DST: variants seen among roughly 807,000 people sequenced by gnomAD.
DST encodes the protein dystonin, also known as bullous pemphigoid antigen.
A neutral mutation model predicts 875.2 loss-of-function variants in DST; 253 were observed. That is an observed-to-expected ratio of 0.29 (90% CI 0.26 to 0.32). The LOEUF is 0.32. DST is among the 10% of genes least tolerant of loss of function. The pLI is 1.00. For missense variants in DST, 8,287 were observed against 9,111.6 expected (o/e 0.91, Z 3.68); for synonymous variants, 3,124 against 3,197.1 (o/e 0.98, Z 0.77).
chr6:56,529,880 G>C (rs1264932767), intron 65 of DST, 94 bp downstream of exon 65: 1 of 1,484,152 alleles, frequency 6.7e-7, no homozygotes, highest in African/African-American at 1.4e-5. Flanking sequence ...GATTTAGTTT[G>C]CAATTAAACA....
intron 4 of DST, among the ~76,000 whole-genome samples, chr6:56,770,480 C>T (rs1438401180): frequency 6.6e-6 from 1 of 152,154 alleles, no homozygotes; most frequent in African/African-American, 2.4e-5. Flanking sequence ...CCTGCTAATA[C>T]AATAAAACGC....
At chr6:56,850,866 G>A (rs1300168211) in intron 4 of DST, among the ~76,000 whole-genome samples, 1 of 152,194 alleles carries the variant, frequency 6.6e-6, no homozygotes, top group Non-Finnish European at 1.5e-5. Context: ...AAGCACTAAG[G>A]ACAGAAAGCT....
At chr6:56,840,000 C>T (rs991773593) in intron 4 of DST, among the ~76,000 whole-genome samples, 53 of 152,066 alleles carry the variant, frequency 3.5e-4, no homozygotes, top group African/African-American at 1.2e-3. Flanking sequence ...CTAGGTACAA[C>T]GGATTTACTT....
intron 9 of DST, chr6:56,692,306 AT>A: frequency 6.6e-6 from 5 of 759,548 alleles, no homozygotes; most frequent in Non-Finnish European, 9.1e-6. Flanking sequence ...AAATAACTTT[AT>A]AAAAGACAAA....
chr6:56,920,538 G>C (rs1803550588), intron 2 of DST, among the ~76,000 whole-genome samples: 1 of 152,096 alleles, frequency 6.6e-6, no homozygotes, highest in African/African-American at 2.4e-5. Flanking sequence ...ACTACAGTGA[G>C]CAACCGTTAA....
At chr6:56,618,386 T>C (rs2098650752) in intron 36 of DST, 1 of 1,614,072 alleles carries the variant, frequency 6.2e-7, no homozygotes, top group Admixed American at 1.7e-5. Flanking sequence ...CACTGTCATC[T>C]CAAAATCTGG....
At position 56,553,630 on chromosome 6, in the gene DST, C is replaced by T. The variant is rs370399416; in HGVS notation, c.15162G>A (p.Ser5054=). 48 of 1,612,860 alleles carry T rather than the reference C, an allele frequency of 3.0e-5. No individual in the cohort carries two copies. The highest frequency in any genetic ancestry group is 1.6e-4 in the Middle Eastern group (1 of 6,084). Residue 5054 remains serine, a synonymous_variant, in exon 61 of 104, where the codon TCG becomes TCA. Transcript: ENST00000680361. ...GAAATTGATGAGAGCTTGCACAGGC[C>T]GACTGAAGGTGCTGGACATGATTCT... ...KAENHVQHLQ[S]ACASSHQFQQ... is the part of the protein sequence containing the mutation.
At chr6:56,620,765 T>A (rs1166585032) in intron 36 of DST, 1 of 1,512,724 alleles carries the variant, frequency 6.6e-7, no homozygotes, top group East Asian at 2.3e-5. Context: ...CAAAATATCT[T>A]ACAACGTATG....
At chr6:56,715,021 C>T (rs1408803287) in intron 5 of DST, among the ~76,000 whole-genome samples, 1 of 152,182 alleles carries the variant, frequency 6.6e-6, no homozygotes, top group Non-Finnish European at 1.5e-5. Flanking sequence ...ACTGCAAATG[C>T]TTAATGTCTG....
chr6:56,708,106 A>G (rs1180960785), intron 5 of DST, among the ~76,000 whole-genome samples: 1 of 152,198 alleles, frequency 6.6e-6, no homozygotes, highest in Non-Finnish European at 1.5e-5. Context: ...AAATTAGGAA[A>G]AGAGAAAACC....
intron 4 of DST, among the ~76,000 whole-genome samples, chr6:56,795,758 A>C (rs1242197182): frequency 6.6e-6 from 1 of 152,146 alleles, no homozygotes; most frequent in Non-Finnish European, 1.5e-5. Context: ...GGGAGAGAGA[A>C]GGGAGGATGA....
intron 31 of DST, among the ~76,000 whole-genome samples, 161 bp from the exon 32 acceptor site, chr6:56,629,604 T>C (rs1239319981): frequency 3.9e-5 from 6 of 152,208 alleles, no homozygotes; most frequent in African/African-American, 1.4e-4. Flanking sequence ...GTTCAAACCT[T>C]ATGAAATTTT....
At position 56,647,226 on chromosome 6, in the gene DST, C is replaced by T. The variant is rs913226730; in HGVS notation, c.1555-1044G>A. Among the ~76,000 whole-genome samples, 9 of 152,204 alleles carry T rather than the reference C, an allele frequency of 5.9e-5. No individual in the cohort carries two copies. In the East Asian group the frequency reaches 1.2e-3, roughly 20 times the overall value. ...AGGACGTCTGTTGGTCATTAAGCAC[C>T]GAATACTCCTGTGTGCTAAACACTG... On this transcript the variant is annotated intron_variant, in intron 13 of 103. Transcript: ENST00000680361.
chr6:56,634,707 C>T (rs75315270), intron 25 of DST, 91 bp from the exon 26 acceptor site: 19 of 1,602,114 alleles, frequency 1.2e-5, no homozygotes, highest in African/African-American at 2.7e-5. Flanking sequence ...TTTTATGAGG[C>T]GGGAAATCTT....
chr6:56,503,029 A>G (rs1360655557), intron 78 of DST, among the ~76,000 whole-genome samples: 3 of 152,120 alleles, frequency 2.0e-5, no homozygotes, highest in Non-Finnish European at 4.4e-5. Flanking sequence ...AAAAGCAAAA[A>G]CTACAGAGAA....
Position 56,625,248 on chromosome 6 carries a change from G to A in DST, c.4739C>T (p.Thr1580Ile), listed in dbSNP as rs1431927007. Residue 1580 changes from threonine to isoleucine, a missense_variant, in exon 35 of 104, where the codon ACA becomes ATA. Transcript: ENST00000680361. ...ATCTACCATGGCCCGGTAGGTCATT[G>A]TTTGTAATTCATAGTCCTGTATAAA... ...SATVKDYELQ[T>I]MTYRAMVDSQ... is the part of the protein sequence containing the mutation. 2 of 1,612,020 alleles carry A rather than the reference G, an allele frequency of 1.2e-6. No individual in the cohort carries two copies. Among genetic ancestry groups the A allele is most frequent in the African/African-American group, 2.7e-5 (2 of 74,938 alleles).
chr6:56,948,565 T>C (rs1028882805), intron 2 of DST, among the ~76,000 whole-genome samples: 1 of 152,160 alleles, frequency 6.6e-6, no homozygotes, highest in African/African-American at 2.4e-5. Flanking sequence ...ATTTCTGTAA[T>C]TTTCCACTCA....
rs376695034 is a variant in DST at position 56,580,527 on chromosome 6, G to A, written c.12904-1590C>T. ...TCATGCTACTGTTAATTCCAGCCTG[G>A]GTGACAGAGTGATATTCCTACTTTC... On this transcript the variant is annotated intron_variant, in intron 49 of 103. Coordinates refer to ENST00000680361, the MANE Select transcript of DST (RefSeq NM_001374736.1). Among the ~76,000 whole-genome samples, 7 of 151,164 alleles carry A rather than the reference G, an allele frequency of 4.6e-5. No individual in the cohort carries two copies. In the East Asian group the frequency reaches 1.4e-3, roughly 29 times the overall value.
chr6:56,850,758 T>A (rs936574945), intron 4 of DST, among the ~76,000 whole-genome samples: 3 of 152,218 alleles, frequency 2.0e-5, no homozygotes, highest in Non-Finnish European at 4.4e-5. Context: ...GTTCAGCTTT[T>A]AGGGCCAATG....
Sources: gnomAD v4.1 joint callset for allele counts (sites outside exome capture counted in the v4.1 genomes callset) on GRCh38, gnomAD v4.1.1 for gene constraint, MANE v1.5 for transcripts, NCBI Gene and HGNC (gene_info 2026-07-23, HGNC 2026-07-21) for gene names.